NIPBL: variants seen among roughly 807,000 people sequenced by gnomAD.
The protein encoded by NIPBL is nipped-B-like protein.
Under a neutral mutation model 321.8 loss-of-function variants are expected in NIPBL, and 19 were observed. That is an observed-to-expected ratio of 0.06 (90% confidence interval 0.04 to 0.09). NIPBL has a LOEUF of 0.09. Ranked by LOEUF, NIPBL falls within the 10% of genes least tolerant of loss-of-function variation. The probability of loss-of-function intolerance (pLI) is 1.00; values close to 1 mark genes in which losing one functional copy is unlikely to be tolerated. For synonymous variants in NIPBL, 1,106 were observed against 1,114.1 expected, an observed-to-expected ratio of 0.99 and a Z score of 0.14; for missense variants, 2,210 against 3,327.0, an observed-to-expected ratio of 0.66 and a Z score of 8.26.
Position 37,049,266 on chromosome 5 carries a change from T to C in NIPBL, c.6919T>C (p.Leu2307=), listed in dbSNP as rs1579572689. 1 of 1,614,164 alleles carries C rather than the reference T, an allele frequency of 6.2e-7. No homozygotes were observed. Among genetic ancestry groups the C allele is most frequent in the Non-Finnish European group, 8.5e-7 (1 of 1,180,008 alleles). ...CCACTTTGCCCTAAATGTCATTGCA[T>C]TGACTCTAAATCAAGGTCTTATTCA... ...VRHFALNVIA[L]TLNQGLIHPV... is the part of the protein sequence containing the mutation. Residue 2307 remains leucine (L), a synonymous_variant, in exon 40 of 47, where the codon TTG becomes CTG. Transcript: ENST00000282516.
chr5:36,906,592 G>C (rs1272043300), intron 1 of NIPBL, among the ~76,000 whole-genome samples: 1 of 152,172 alleles, frequency 6.6e-6, no homozygotes, highest in East Asian at 1.9e-4. Context: ...GCAAAACGAA[G>C]TGAAGTGAAA....
chr5:37,053,386 A>C (rs889939050), intron 42 of NIPBL, among the ~76,000 whole-genome samples: 1 of 152,240 alleles, frequency 6.6e-6, no homozygotes, highest in African/African-American at 2.4e-5. Context: ...AATTGACTGA[A>C]ACATGTTATG....
intron 32 of NIPBL, among the ~76,000 whole-genome samples, chr5:37,034,282 A>C (rs1751447185): frequency 6.6e-6 from 1 of 152,206 alleles, no homozygotes; most frequent in Admixed American, 6.5e-5. Flanking sequence ...ATAATTGAGA[A>C]AGTATTACAG....
rs918012033 is a variant in NIPBL, at chr5:36,985,881, A to C, written c.2701A>C (p.Asn901His). 2 of 1,613,838 alleles carry C rather than the reference A, an allele frequency of 1.2e-6. No homozygotes were observed. Among genetic ancestry groups the C allele is most frequent in the African/African-American group, 1.3e-5 (1 of 74,914 alleles). ...DSPRVKQGDS[N>H]KSRSDKLGFK... ...TCCTCGTGTTAAACAAGGAGATTCT[A>C]ATAAATCAAGATCTGATAAACTTGG... Residue 901 changes from asparagine (N) to histidine (H), a missense_variant, in exon 10 of 47, where the codon AAT becomes CAT. Around this residue, in one of 14 missense-constraint regions of NIPBL, gnomAD observed 588 missense variants for 564.1 expected, o/e 1.04. Transcript: ENST00000282516.
At chr5:36,916,834 C>T (rs1244502133) in intron 1 of NIPBL, among the ~76,000 whole-genome samples, 1 of 152,168 alleles carries the variant, frequency 6.6e-6, no homozygotes, top group Non-Finnish European at 1.5e-5. Flanking sequence ...ATGAACTCAT[C>T]CTTTTTTATG....
chr5:36,964,132 G>T (rs1177890561), intron 6 of NIPBL, among the ~76,000 whole-genome samples: 1 of 152,046 alleles, frequency 6.6e-6, no homozygotes, highest in Non-Finnish European at 1.5e-5. Flanking sequence ...TCAGGGATTA[G>T]CCTCACCCAG....
intron 1 of NIPBL, among the ~76,000 whole-genome samples, chr5:36,916,368 G>A (rs186571677): frequency 9.2e-5 from 14 of 152,216 alleles, no homozygotes; most frequent in Non-Finnish European, 1.8e-4. Context: ...ATTAGCATCT[G>A]ACTAAAAGTA....
rs187591820 is a variant in NIPBL, at chr5:36,933,275, C to T, written c.-79-20343C>T. On this transcript the variant is annotated intron_variant, in intron 1 of 46. Coordinates refer to ENST00000282516, the MANE Select transcript of NIPBL (RefSeq NM_133433.4). Reference sequence around the variant, plus strand: ...CGAGTTTCATGGTTACTTATAATAACCAGTTTCCTCATTACATAGTAGAAT... The same window carrying T: ...CGAGTTTCATGGTTACTTATAATAATCAGTTTCCTCATTACATAGTAGAAT... 7.9e-5 allele frequency among the ~76,000 whole-genome samples: 12 copies of T among 152,072 alleles called. No homozygotes were observed. In the East Asian group the frequency reaches 2.3e-3, roughly 29 times the overall value.
chr5:37,007,512 C>G (rs755278321), intron 18 of NIPBL, 38 bp downstream of exon 18: 1 of 1,483,754 alleles, frequency 6.7e-7, no homozygotes, highest in Non-Finnish European at 9.4e-7. Context: ...TATTTCTAAA[C>G]TAAATGATTA....
intron 9 of NIPBL, among the ~76,000 whole-genome samples, chr5:36,977,250 T>A (rs963401968): frequency 1.5e-4 from 23 of 152,182 alleles, no homozygotes; most frequent in Admixed American, 3.9e-4. Flanking sequence ...GATTTAATTT[T>A]ATGATTAAAA....
intron 42 of NIPBL, among the ~76,000 whole-genome samples, chr5:37,055,915 A>G (rs1754040092): frequency 6.6e-6 from 1 of 151,910 alleles, no homozygotes; most frequent in South Asian, 2.1e-4. Context: ...GCTACTGAAG[A>G]GACCAAGGCA....
chr5:36,911,917 C>T (rs1748080008), intron 1 of NIPBL, among the ~76,000 whole-genome samples: 1 of 152,218 alleles, frequency 6.6e-6, no homozygotes, highest in African/African-American at 2.4e-5. Context: ...TTTATAAAAC[C>T]TTGTGGGTAA....
chr5:36,936,096 G>T (rs1299571686), intron 1 of NIPBL, among the ~76,000 whole-genome samples: 2 of 152,080 alleles, frequency 1.3e-5, no homozygotes, highest in African/African-American at 2.4e-5. Flanking sequence ...TTCAGTAATT[G>T]CATAGTTATA....
intron 1 of NIPBL, among the ~76,000 whole-genome samples, chr5:36,892,845 A>G (rs568818565): frequency 6.6e-5 from 10 of 152,080 alleles, no homozygotes; most frequent in Admixed American, 2.0e-4. Flanking sequence ...GCTAAATGAC[A>G]AGTTAATGGG....
Position 37,018,460 on chromosome 5 carries a change from C to T in NIPBL, c.4921-851C>T, listed in dbSNP as rs72736711. On this transcript the variant is annotated intron_variant, in intron 24 of 46. Transcript: ENST00000282516. ...ATATATTCCCATCATAATTTGAGGG[C>T]TTTCTAGAACAAAAAGGTATTTCAG... Among the ~76,000 whole-genome samples, 315 of 152,224 alleles carry T rather than the reference C, an allele frequency of 2.1e-3. 3 individuals are homozygous for T. The highest frequency in any genetic ancestry group is 0.015 in the South Asian group (74 of 4,820).
intron 34 of NIPBL, among the ~76,000 whole-genome samples, chr5:37,041,042 A>G (rs1194821248): frequency 6.7e-6 from 1 of 150,280 alleles, no homozygotes; most frequent in Non-Finnish European, 1.5e-5. Context: ...TTTTTTTAGG[A>G]GAGCTCTTTA....
Position 37,065,019 on chromosome 5 carries a change from AAAG to A in NIPBL, c.*131_*133del. 1.8e-6 allele frequency: 2 copies of A among 1,133,858 alleles called. No homozygotes were observed. The highest frequency in any genetic ancestry group is 1.3e-6 in the Non-Finnish European group (1 of 779,870). The allele number at this position is 1,133,858 out of a possible 1,614,324, so 70.2% of individuals were successfully genotyped here. A position where few individuals can be genotyped will look rare whatever the true frequency, so the allele number is the denominator to read the frequency against. ...AAGTGGAACCTGGGATGCAGGAACAAAAGAAGGAAATGTTGGGCAAACATTTTT... is the reference window on the plus strand; with the variant it reads ...AAGTGGAACCTGGGATGCAGGAACAAAAGGAAATGTTGGGCAAACATTTTT... On this transcript the variant is annotated 3_prime_UTR_variant, in exon 47 of 47. Coordinates refer to ENST00000282516, the MANE Select transcript of NIPBL (RefSeq NM_133433.4).
At chr5:37,007,717 A>T (rs1747608493) in intron 18 of NIPBL, among the ~76,000 whole-genome samples, 2 of 152,000 alleles carry the variant, frequency 1.3e-5, no homozygotes, top group Non-Finnish European at 1.5e-5. Context: ...TTATATTTTC[A>T]TGCAGATATT....
At chr5:36,954,195 A>C (rs992761492) in intron 2 of NIPBL, among the ~76,000 whole-genome samples, 27 of 152,192 alleles carry the variant, frequency 1.8e-4, no homozygotes, top group African/African-American at 6.3e-4. Context: ...AAAAGGAAAA[A>C]GATATGAGAG....
Sources: gnomAD v4.1 joint callset for allele counts (sites outside exome capture counted in the v4.1 genomes callset) on GRCh38, gnomAD v4.1.1 for gene constraint, gnomAD v4.1.1 regional missense constraint, MANE v1.5 for transcripts, NCBI Gene and HGNC (gene_info 2026-07-23, HGNC 2026-07-21) for gene names.